LRRC63: variants seen among roughly 807,000 people sequenced by gnomAD.
LRRC63 encodes the protein leucine-rich repeat-containing protein 63.
A neutral mutation model predicts 49.5 loss-of-function variants in LRRC63; 40 were observed. The observed-to-expected ratio is 0.81, with a 90% CI of 0.63 to 1.05. The LOEUF is 1.05. LRRC63 is among the 50% of genes least tolerant of loss of function. The pLI, the probability that LRRC63 is intolerant of heterozygous loss-of-function variation, is 0.00. For missense variants in LRRC63, 636 were observed against 663.1 expected (o/e 0.96, Z 0.45); for synonymous variants, 191 against 221.1 (o/e 0.86, Z 1.21).
chr13:46,234,099 ACT>A, intron 4 of LRRC63, 91 bp from the exon 5 acceptor site: 1 of 1,199,596 alleles, frequency 8.3e-7, no homozygotes, highest in Non-Finnish European at 1.2e-6. Context: ...CCTTAGGGTA[ACT>A]CAATATTATC....
rs111243317 is a variant in LRRC63, at chr13:46,253,508, C to T, written c.1226+3017C>T. Among the ~76,000 whole-genome samples the T allele has an allele frequency of 5.6e-3, 848 of 152,032 alleles. 7 individuals are homozygous for T. The highest frequency in any genetic ancestry group is 0.02 in the African/African-American group (816 of 41,490). On this transcript the variant is annotated intron_variant, in intron 7 of 9. Transcript: ENST00000595396. ...ATGTCAGGAGAAAAAAAAATTGAAT[C>T]ACTAAGAAAGGTGTATCTGAGGAAA...
chr13:46,266,897 C>A (rs1288738723), exon 9 of LRRC63: 9 of 1,548,510 alleles, frequency 5.8e-6, no homozygotes, highest in African/African-American at 1.4e-5. Flanking sequence ...CAAATTATTT[C>A]TTTGTTCATT....
intron 5 of LRRC63, among the ~76,000 whole-genome samples, chr13:46,242,782 C>G (rs1467726504): frequency 2.0e-5 from 3 of 151,040 alleles, no homozygotes; most frequent in Non-Finnish European, 4.4e-5. Context: ...AACAAAAAAC[C>G]TCTCAACTGA....
At chr13:46,252,118 A>G (rs1345522706) in intron 7 of LRRC63, among the ~76,000 whole-genome samples, 1 of 151,958 alleles carries the variant, frequency 6.6e-6, no homozygotes, top group Non-Finnish European at 1.5e-5. Context: ...ATTGACCTCA[A>G]AGAAGACTTC....
In LRRC63 at chr13:46,266,626, A is replaced by G; in HGVS notation, c.1311-107A>G. On this transcript the variant is annotated intron_variant, in intron 8 of 9. Transcript: ENST00000595396. Reference sequence around the variant, plus strand: ...ATACTTAAATTCATACTTGTATTTTATTGGTACTAGTTTGATGCCAATTTT... The same window carrying G: ...ATACTTAAATTCATACTTGTATTTTGTTGGTACTAGTTTGATGCCAATTTT... 8.6e-6 allele frequency: 7 copies of G among 812,040 alleles called. 1 individual carries two copies. In the South Asian group the frequency reaches 1.3e-4, roughly 15 times the overall value. The allele number at this position is 812,040 out of a possible 1,614,324, so 50.3% of individuals were successfully genotyped here. A position where few individuals can be genotyped will look rare whatever the true frequency, so the allele number is the denominator to read the frequency against.
intron 5 of LRRC63, among the ~76,000 whole-genome samples, chr13:46,239,657 A>T (rs973638982): frequency 6.6e-6 from 1 of 152,198 alleles, no homozygotes; most frequent in Non-Finnish European, 1.5e-5. Flanking sequence ...CATCATCCTG[A>T]TACCAAAACC....
At chr13:46,275,733 T>A (rs2047827298) in intron 9 of LRRC63, among the ~76,000 whole-genome samples, 1 of 152,164 alleles carries the variant, frequency 6.6e-6, no homozygotes, top group African/African-American at 2.4e-5. Flanking sequence ...TGCAAATATT[T>A]ACTCCCATTC....
chr13:46,236,059 A>AT (rs1277506994), intron 5 of LRRC63, among the ~76,000 whole-genome samples: 1 of 152,110 alleles, frequency 6.6e-6, no homozygotes, highest in East Asian at 1.9e-4. Flanking sequence ...AGAAATATTG[A>AT]TTAGGCAGAA....
intron 7 of LRRC63, among the ~76,000 whole-genome samples, chr13:46,251,364 A>C (rs1457678077): frequency 6.6e-6 from 1 of 151,910 alleles, no homozygotes; most frequent in Non-Finnish European, 1.5e-5. Context: ...CATATCACAC[A>C]TTACACACTA....
At chr13:46,258,273 G>A (rs990092214) in intron 7 of LRRC63, among the ~76,000 whole-genome samples, 1 of 151,306 alleles carries the variant, frequency 6.6e-6, no homozygotes, top group Non-Finnish European at 1.5e-5. Flanking sequence ...GGGATTACAG[G>A]CATGCGCCAC....
chr13:46,251,963 G>A (rs1489629215), intron 7 of LRRC63, among the ~76,000 whole-genome samples: 3 of 151,840 alleles, frequency 2.0e-5, no homozygotes. Flanking sequence ...AAAGTTTGCA[G>A]AAGCTATTTT....
At chr13:46,216,283 C>T (rs978412069) in intron 2 of LRRC63, among the ~76,000 whole-genome samples, 2 of 152,052 alleles carry the variant, frequency 1.3e-5, no homozygotes, top group Non-Finnish European at 2.9e-5. Context: ...TGTGTCCTCT[C>T]TTATTTCCTT....
At chr13:46,273,833 AC>A (rs1484642314) in intron 9 of LRRC63, among the ~76,000 whole-genome samples, 2 of 150,980 alleles carry the variant, frequency 1.3e-5, no homozygotes, top group Non-Finnish European at 2.9e-5. Context: ...AATCACTTGA[AC>A]CCAGGAGGCA....
intron 2 of LRRC63, among the ~76,000 whole-genome samples, chr13:46,219,669 G>C (rs1230438): frequency 0.45 from 68,820 of 152,006 alleles, 16,848 homozygotes; most frequent in African/African-American, 0.62. Context: ...ATCCTTTGGA[G>C]GAGAAGAGGC....
At chr13:46,250,415 C>T (rs1189295066) in exon 7 of LRRC63, 25 of 1,527,928 alleles carry the variant, frequency 1.6e-5, no homozygotes, top group South Asian at 2.4e-5. Flanking sequence ...CAAAGAAATT[C>T]CTTCTGAAAT....
At chr13:46,250,711 C>T (rs1158344236) in intron 7 of LRRC63, among the ~76,000 whole-genome samples, 2 of 152,006 alleles carry the variant, frequency 1.3e-5, no homozygotes. Flanking sequence ...TTTAGAAACA[C>T]GTTATCTGAG....
At chr13:46,270,113 C>A (rs1200138813) in intron 9 of LRRC63, 2 of 658,334 alleles carry the variant, frequency 3.0e-6, no homozygotes, top group South Asian at 3.4e-5. Context: ...GCCGGTGGTG[C>A]CTTTGTTCGT....
chr13:46,239,914 C>T (rs1002995834), intron 5 of LRRC63, among the ~76,000 whole-genome samples: 22 of 152,140 alleles, frequency 1.4e-4, no homozygotes, highest in Non-Finnish European at 3.2e-4. Context: ...ATGATTATCT[C>T]AATTGATGCA....
chr13:46,254,950 A>G (rs2047471343), intron 7 of LRRC63, among the ~76,000 whole-genome samples: 2 of 152,218 alleles, frequency 1.3e-5, no homozygotes, highest in South Asian at 4.1e-4. Context: ...TCAAATGTCC[A>G]TCAACAAAAC....
Sources: allele counts gnomAD v4.1 joint callset (sites outside exome capture counted in the v4.1 genomes callset), GRCh38; gene constraint gnomAD v4.1.1; transcripts MANE v1.5; gene names NCBI Gene and HGNC (gene_info 2026-07-23, HGNC 2026-07-21).